Variants in ATP1B3 observed in about 807,000 individuals in gnomAD.
The protein encoded by ATP1B3 is ATPase Na+/K+ transporting subunit beta 3.
A neutral mutation model predicts 30.2 loss-of-function variants in ATP1B3; 10 were observed. That is an observed-to-expected ratio of 0.33 (90% CI 0.20 to 0.56). ATP1B3 has a LOEUF of 0.56. Among genes scored for constraint, ATP1B3 ranks in the 20% least tolerant of loss-of-function variants. The probability of loss-of-function intolerance (pLI) is 0.90; values close to 1 mark genes in which losing one functional copy is unlikely to be tolerated. For synonymous variants in ATP1B3, 113 were observed against 117.0 expected (o/e 0.97, Z 0.22); for missense variants, 238 against 336.7 (o/e 0.71, Z 2.29).
chr3:141,922,864 G>GTT (rs1934590942), intron 6 of ATP1B3, among the ~76,000 whole-genome samples: 1 of 152,086 alleles, frequency 6.6e-6, no homozygotes, highest in Admixed American at 6.6e-5. Flanking sequence ...TGCTCGAGAG[G>GTT]GTGAGGCAGG....
chr3:141,922,023 T>TA lies in ATP1B3; in HGVS notation c.630dup (p.Asp211ArgfsTer30). ...GCAGTTTATCCTCATAATGGAATGATAGACTTAAAATATTTCCCATATTAT... is the reference window on the plus strand; with the variant it reads ...GCAGTTTATCCTCATAATGGAATGATAAGACTTAAAATATTTCCCATATTAT... On this transcript the variant is annotated frameshift_variant, in exon 6 of 7. Coordinates refer to ENST00000286371, the MANE Select transcript of ATP1B3 (RefSeq NM_001679.4). LOFTEE classifies it high-confidence loss of function. 1 of 1,554,820 alleles carries TA rather than the reference T, an allele frequency of 6.4e-7. No individual in the cohort carries two copies. The highest frequency in any genetic ancestry group is 8.8e-7 in the Non-Finnish European group (1 of 1,140,958).
intron 5 of ATP1B3, among the ~76,000 whole-genome samples, chr3:141,920,835 C>T (rs1232074059): frequency 6.6e-6 from 1 of 152,038 alleles, no homozygotes; most frequent in Non-Finnish European, 1.5e-5. Context: ...TACTTCCTAC[C>T]CTTTCCACAT....
chr3:141,897,147 G>A (rs9873028), intron 1 of ATP1B3, among the ~76,000 whole-genome samples: 17,158 of 152,080 alleles, frequency 0.11, 1,400 homozygotes, highest in East Asian at 0.39. Context: ...AAGCAAAGCT[G>A]TGCTCACCTG....
At position 141,903,731 on chromosome 3, in the gene ATP1B3, A is replaced by T; in HGVS notation, c.221A>T (p.Asp74Val). 6.2e-7 allele frequency: 1 copy of T among 1,613,718 alleles called. No homozygotes were observed. The highest frequency in any genetic ancestry group is 8.5e-7 in the Non-Finnish European group (1 of 1,179,888). The change falls in exon 2 of 7, where the codon GAC (aspartate) becomes GTC (valine). Residue 74 changes from aspartate (D) to valine (V), a missense_variant. Physicochemically the swap from Asp to Val is radical, Grantham distance 152. Transcript: ENST00000286371. ...AACGATGAGGTTCCAAAATACCGTG[A>T]CCAGATTCCTAGCCCAGGTAATTAT... ...TLNDEVPKYR[D>V]QIPSPGLMVF... is the part of the protein sequence containing the mutation.
At position 141,876,763 on chromosome 3, in the gene ATP1B3, C is replaced by T. The variant is rs751560037; in HGVS notation, c.-39C>T. On this transcript the variant is annotated 5_prime_UTR_variant, in exon 1 of 7. Coordinates refer to ENST00000286371, the MANE Select transcript of ATP1B3 (RefSeq NM_001679.4). The stretch of plus-strand genomic sequence containing the variant: ...CTCCGCAGCCCTCGCCGCCTCCATC[C>T]CCGCGGCCGCAGCTCCTCTCGCCGT... 3.9e-6 allele frequency: 6 copies of T among 1,541,248 alleles called. No homozygotes were observed. The highest frequency in any genetic ancestry group is 3.4e-5 in the South Asian group (3 of 87,988).
chr3:141,910,775 G>GCCCC (rs11449206), intron 3 of ATP1B3, among the ~76,000 whole-genome samples: 7 of 144,838 alleles, frequency 4.8e-5, no homozygotes, highest in African/African-American at 1.8e-4. Flanking sequence ...CTCTTGCCCT[G>GCCCC]CCCCCCCCTT....
At chr3:141,915,925 C>T (rs768306587) in intron 4 of ATP1B3, 45 bp from the exon 5 acceptor site, 28 of 1,500,290 alleles carry the variant, frequency 1.9e-5, no homozygotes, top group African/African-American at 2.8e-5. Flanking sequence ...AGTTCCATTG[C>T]ATACTTACGT....
intron 1 of ATP1B3, among the ~76,000 whole-genome samples, chr3:141,896,206 C>T (rs6804938): frequency 0.23 from 34,767 of 151,646 alleles, 4,148 homozygotes; most frequent in African/African-American, 0.25. Flanking sequence ...TGATGGTTCA[C>T]GCCTGTAATT....
chr3:141,902,537 G>A (rs542206175), intron 1 of ATP1B3, among the ~76,000 whole-genome samples: 4 of 152,234 alleles, frequency 2.6e-5, no homozygotes, highest in East Asian at 3.9e-4. Flanking sequence ...TATACTTGTT[G>A]GCAGCCACTT....
chr3:141,910,027 A>G (rs1329243304), intron 3 of ATP1B3, among the ~76,000 whole-genome samples: 2 of 152,172 alleles, frequency 1.3e-5, no homozygotes, highest in Non-Finnish European at 1.5e-5. Flanking sequence ...TCTGTCACCC[A>G]GTGGCACAAT....
Position 141,915,961 on chromosome 3 carries a change from T to C in ATP1B3, c.532-9T>C. On this transcript the variant is annotated splice_polypyrimidine_tract_variant and intron_variant, in intron 4 of 6. Coordinates refer to ENST00000286371, the MANE Select transcript of ATP1B3 (RefSeq NM_001679.4). ...GAAGTTTAAATTTATCACTATTTCT[T>C]AACCTTAGATAATTGGATTAAAGCC... is the stretch of plus-strand genomic sequence containing the variant. 1 of 1,597,286 alleles carries C rather than the reference T, an allele frequency of 6.3e-7. No individual in the cohort carries two copies. The highest frequency in any genetic ancestry group is 8.5e-7 in the Non-Finnish European group (1 of 1,170,974).
intron 1 of ATP1B3, among the ~76,000 whole-genome samples, chr3:141,895,192 T>TC (rs1231137616): frequency 6.7e-5 from 10 of 150,250 alleles, no homozygotes; most frequent in African/African-American, 2.4e-4. Flanking sequence ...TCTTTTCTTT[T>TC]TTTTTTTTTT....
chr3:141,892,076 C>T (rs1933965212), intron 1 of ATP1B3, among the ~76,000 whole-genome samples: 1 of 152,000 alleles, frequency 6.6e-6, no homozygotes, highest in Non-Finnish European at 1.5e-5. Flanking sequence ...TTGTCCTTTA[C>T]TCAATCTGTG....
chr3:141,912,524 G>A (rs1407252469), intron 3 of ATP1B3, among the ~76,000 whole-genome samples: 4 of 152,036 alleles, frequency 2.6e-5, no homozygotes, highest in Non-Finnish European at 4.4e-5. Flanking sequence ...GCCTCCCAAA[G>A]TGCTGGGATT....
intron 6 of ATP1B3, among the ~76,000 whole-genome samples, chr3:141,923,240 T>C (rs1274594767): frequency 6.6e-6 from 1 of 151,326 alleles, no homozygotes; most frequent in Non-Finnish European, 1.5e-5. Context: ...ACTGCACCAT[T>C]GCACTCCAGC....
chr3:141,896,915 T>C (rs895423179), intron 1 of ATP1B3, among the ~76,000 whole-genome samples: 2 of 152,190 alleles, frequency 1.3e-5, no homozygotes, highest in Non-Finnish European at 2.9e-5. Flanking sequence ...TGTGCTCCTC[T>C]TCTGTGTGTT....
At chr3:141,899,541 C>G (rs1934123654) in intron 1 of ATP1B3, among the ~76,000 whole-genome samples, 1 of 152,142 alleles carries the variant, frequency 6.6e-6, no homozygotes, top group South Asian at 2.1e-4. Context: ...TGACTTTTCC[C>G]TGTGTCCAGA....
At chr3:141,911,952 TAATAAAAAAGCAAGG>T (rs1934369741) in intron 3 of ATP1B3, among the ~76,000 whole-genome samples, 1 of 152,180 alleles carries the variant, frequency 6.6e-6, no homozygotes, top group African/African-American at 2.4e-5. Flanking sequence ...GAAGTCAGCA[TAATAAAAAAGCAAGG>T]TCACTGATGA....
At chr3:141,908,172 T>G (rs551100373) in intron 3 of ATP1B3, among the ~76,000 whole-genome samples, 1 of 152,038 alleles carries the variant, frequency 6.6e-6, no homozygotes, top group South Asian at 2.1e-4. Context: ...GAAATTATGT[T>G]TATTATTTTA....
Sources: gnomAD v4.1 joint callset for allele counts (sites outside exome capture counted in the v4.1 genomes callset) on GRCh38, gnomAD v4.1.1 for gene constraint, MANE v1.5 for transcripts, NCBI Gene and HGNC (gene_info 2026-07-23, HGNC 2026-07-21) for gene names.